Variants in CNTNAP2 observed in about 807,000 individuals in gnomAD.
CNTNAP2 encodes contactin-associated protein-like 2.
In CNTNAP2, 98 loss-of-function variants were observed where a neutral mutation model predicts 155.2. The ratio of observed to expected loss-of-function variants is 0.63; its 90% CI spans 0.54 to 0.75. The LOEUF is 0.75. CNTNAP2 is among the 30% of genes least tolerant of loss of function. The pLI, the probability that CNTNAP2 is intolerant of heterozygous loss-of-function variation, is 0.00. For missense variants in CNTNAP2, 1,727 were observed against 1,688.1 expected (o/e 1.02, Z -0.40); for synonymous variants, 651 against 631.2 (o/e 1.03, Z -0.47).
intron 13 of CNTNAP2, among the ~76,000 whole-genome samples, chr7:147,681,877 G>A (rs1345634935): frequency 2.0e-5 from 3 of 151,750 alleles, no homozygotes; most frequent in Admixed American, 1.3e-4. Flanking sequence ...GCTATCTGTG[G>A]TTTCAGCATC....
rs547916821 is a variant in CNTNAP2 at position 146,653,472 on chromosome 7, T to C, written c.98-120799T>C. Among the ~76,000 whole-genome samples, 164 of 152,292 alleles carry C rather than the reference T, an allele frequency of 1.1e-3. No homozygotes were observed. The South Asian group carries it at 0.016, about 14-fold the overall frequency. On this transcript the variant is annotated intron_variant, in intron 1 of 23. Coordinates refer to ENST00000361727, the MANE Select transcript of CNTNAP2 (RefSeq NM_014141.6). ...TCAATCTACAGAGAATGTCTCTATG[T>C]TTAATAACAATAGAACATTTGTATT...
chr7:147,420,593 C>A (rs969557513), intron 10 of CNTNAP2, among the ~76,000 whole-genome samples: 1 of 152,184 alleles, frequency 6.6e-6, no homozygotes, highest in African/African-American at 2.4e-5. Context: ...CAACAGGTAG[C>A]ATCCCCTTGC....
intron 13 of CNTNAP2, among the ~76,000 whole-genome samples, chr7:147,816,551 A>T (rs1798269710): frequency 6.6e-6 from 1 of 152,130 alleles, no homozygotes; most frequent in African/African-American, 2.4e-5. Context: ...AATAATGGAG[A>T]TGGTTAGCCT....
rs184190548 is a variant in CNTNAP2, at chr7:146,778,882, C to T, written c.208+4501C>T. Reference sequence around the variant, plus strand: ...CATCCACCACGTGGTCCAGGTCTCTCTCCACTACCACAGAGGCTTAGTGAG... The same window carrying T: ...CATCCACCACGTGGTCCAGGTCTCTTTCCACTACCACAGAGGCTTAGTGAG... On this transcript the variant is annotated intron_variant, in intron 2 of 23. Transcript: ENST00000361727. 2.0e-3 allele frequency among the ~76,000 whole-genome samples: 305 copies of T among 152,346 alleles called. 2 individuals are homozygous for T. The highest frequency in any genetic ancestry group is 7.0e-3 in the African/African-American group (291 of 41,584).
intron 8 of CNTNAP2, among the ~76,000 whole-genome samples, chr7:147,258,540 C>T (rs1203927852): frequency 1.3e-5 from 2 of 152,054 alleles, no homozygotes; most frequent in East Asian, 1.9e-4. Context: ...ACTGTTCTCC[C>T]GTACTTGAAG....
At chr7:148,243,986 T>C (rs903637710) in intron 20 of CNTNAP2, among the ~76,000 whole-genome samples, 1 of 152,194 alleles carries the variant, frequency 6.6e-6, no homozygotes, top group Non-Finnish European at 1.5e-5. Flanking sequence ...TGTGCAAAGT[T>C]ATATGAAACT....
rs773304645 is a variant in CNTNAP2 at position 147,486,050 on chromosome 7, C to T, written c.1777+9C>T. On this transcript the variant is annotated intron_variant, in intron 11 of 23. Transcript: ENST00000361727. ...GGCCACCTGCCACAACTGTGAGTGC[C>T]AATTTATCTCACTTTAATCTTGTAA... The T allele has an allele frequency of 2.5e-6, 4 of 1,604,248 alleles. No individual in the cohort carries two copies. In the Admixed American group the frequency reaches 5.0e-5, roughly 20 times the overall value.
intron 1 of CNTNAP2, among the ~76,000 whole-genome samples, chr7:146,345,962 A>G (rs1794812492): frequency 6.6e-6 from 1 of 152,170 alleles, no homozygotes; most frequent in Non-Finnish European, 1.5e-5. Flanking sequence ...ATACATATTT[A>G]TTGAGTGCTT....
At chr7:148,007,920 G>A (rs1228947001) in intron 15 of CNTNAP2, among the ~76,000 whole-genome samples, 1 of 152,126 alleles carries the variant, frequency 6.6e-6, no homozygotes, top group Non-Finnish European at 1.5e-5. Flanking sequence ...CACCAAAGAT[G>A]TCCACATCCT....
chr7:146,488,085 G>A (rs1797083133), intron 1 of CNTNAP2, among the ~76,000 whole-genome samples: 2 of 152,100 alleles, frequency 1.3e-5, no homozygotes. Context: ...TTTTGAATCC[G>A]TTAATTTTAA....
intron 21 of CNTNAP2, among the ~76,000 whole-genome samples, chr7:148,276,872 A>G (rs1262980895): frequency 6.6e-6 from 1 of 152,224 alleles, no homozygotes; most frequent in Non-Finnish European, 1.5e-5. Flanking sequence ...AAAGCAGCTC[A>G]CATATGTGGA....
intron 20 of CNTNAP2, among the ~76,000 whole-genome samples, chr7:148,231,025 C>G (rs537200592): frequency 6.6e-6 from 1 of 152,316 alleles, no homozygotes; most frequent in African/African-American, 2.4e-5. Flanking sequence ...TTTTAAGCCA[C>G]CCAATTTGTC....
chr7:147,741,823 A>G (rs1246312400), intron 13 of CNTNAP2, among the ~76,000 whole-genome samples: 1 of 152,214 alleles, frequency 6.6e-6, no homozygotes, highest in Non-Finnish European at 1.5e-5. Context: ...TCTCTACAGT[A>G]CTGATTCCAT....
intron 21 of CNTNAP2, among the ~76,000 whole-genome samples, chr7:148,277,586 A>ACCCCCCCCCCCCCCCCCC (rs147409823): frequency 1.4e-5 from 2 of 140,068 alleles, no homozygotes; most frequent in South Asian, 2.3e-4. Flanking sequence ...TTAGTACAGG[A>ACCCCCCCCCCCCCCCCCC]CCGCCCCCCA....
intron 14 of CNTNAP2, among the ~76,000 whole-genome samples, chr7:147,968,062 T>A (rs1415724301): frequency 6.6e-6 from 1 of 152,216 alleles, no homozygotes; most frequent in Non-Finnish European, 1.5e-5. Context: ...TATTCATGTA[T>A]TTATTCAATC....
intron 15 of CNTNAP2, among the ~76,000 whole-genome samples, chr7:147,988,793 C>G (rs1365868127): frequency 6.6e-6 from 1 of 152,194 alleles, no homozygotes; most frequent in Non-Finnish European, 1.5e-5. Context: ...TGACCAATCT[C>G]TCACCATTTG....
chr7:146,355,999 C>G (rs1202755613), intron 1 of CNTNAP2, among the ~76,000 whole-genome samples: 1 of 151,760 alleles, frequency 6.6e-6, no homozygotes. Context: ...AAAAACAACC[C>G]TCTTCAGCTA....
chr7:147,262,833 A>G (rs867407255), intron 8 of CNTNAP2, among the ~76,000 whole-genome samples: 3 of 152,200 alleles, frequency 2.0e-5, no homozygotes, highest in South Asian at 2.1e-4. Context: ...GGGAGAAGGT[A>G]CCCAAGTACA....
rs545330706 is a variant in CNTNAP2 at position 146,401,356 on chromosome 7, A to C, written c.97+284383A>C. 4.6e-5 allele frequency among the ~76,000 whole-genome samples: 7 copies of C among 152,288 alleles called. 1 individual carries two copies. Among genetic ancestry groups the C allele is most frequent in the Middle Eastern group, 6.9e-3 (2 of 290 alleles). On this transcript the variant is annotated intron_variant, in intron 1 of 23. Coordinates refer to ENST00000361727, the MANE Select transcript of CNTNAP2 (RefSeq NM_014141.6). ...GTAACGGAGCTGGTGGCAGAGAAAA[A>C]AATAAAAAATAAAAAATAAGTAGAT...
Sources: allele counts gnomAD v4.1 joint callset (sites outside exome capture counted in the v4.1 genomes callset), GRCh38; gene constraint gnomAD v4.1.1; transcripts MANE v1.5; gene names NCBI Gene and HGNC (gene_info 2026-07-23, HGNC 2026-07-21).